FAS: variants seen among roughly 807,000 people sequenced by gnomAD.
FAS encodes the protein tumor necrosis factor receptor superfamily member 6.
A neutral mutation model predicts 33.2 loss-of-function variants in FAS; 5 were observed. The observed-to-expected ratio is 0.15, with a 90% CI of 0.08 to 0.32. The LOEUF (loss-of-function observed/expected upper bound fraction) is 0.32. Ranked by LOEUF, FAS falls within the 10% of genes least tolerant of loss-of-function variation. FAS has a pLI of 1.00. For missense variants in FAS, 339 were observed against 386.0 expected (o/e 0.88, Z 1.02); for synonymous variants, 131 against 130.7 (o/e 1.00, Z -0.01).
chr10:89,011,171 T>C (rs1848510508), intron 6 of FAS, among the ~76,000 whole-genome samples: 2 of 152,198 alleles, frequency 1.3e-5, no homozygotes, highest in African/African-American at 2.4e-5. Context: ...AGGAAACACA[T>C]TGCAGGGAAC....
At chr10:89,007,946 A>T in intron 3 of FAS, 109 bp downstream of exon 3, 1 of 1,528,654 alleles carries the variant, frequency 6.5e-7, no homozygotes, top group Non-Finnish European at 9.0e-7. Context: ...GTTGACACAC[A>T]GGAAAGGGAA....
upstream of FAS, among the ~76,000 whole-genome samples, chr10:88,982,645 T>C (rs960517972): frequency 2.0e-5 from 3 of 152,226 alleles, no homozygotes; most frequent in South Asian, 6.2e-4. Flanking sequence ...CTCAGTGTCT[T>C]TGAAAATGAA....
chr10:88,970,990 G>A (rs958326248), intron 1 of FAS, among the ~76,000 whole-genome samples: 1 of 151,876 alleles, frequency 6.6e-6, no homozygotes, highest in African/African-American at 2.4e-5. Context: ...AGATTCCTCC[G>A]CCCAAAGGCA....
At chr10:88,983,841 G>A (rs993620569), upstream of FAS, among the ~76,000 whole-genome samples, 1 of 152,174 alleles carries the variant, frequency 6.6e-6, no homozygotes, top group Admixed American at 6.6e-5. Context: ...GAAATTCCAA[G>A]GGGATTTCAA....
chr10:89,008,944 A>G lies in FAS; in HGVS notation c.390A>G (p.Lys130=). Reference sequence around the variant, plus strand: ...CCCAGAATACCAAGTGCAGATGTAAACCAAACTTTTTTTGTAACTCTACTG... The same window carrying G: ...CCCAGAATACCAAGTGCAGATGTAAGCCAAACTTTTTTTGTAACTCTACTG... ...TRTQNTKCRC[K]PNFFCNSTVC... Residue 130 remains lysine (K), a synonymous_variant, in exon 4 of 9, where the codon AAA becomes AAG. Coordinates refer to ENST00000652046, the MANE Select transcript of FAS (RefSeq NM_000043.6). 3.7e-6 allele frequency: 6 copies of G among 1,614,014 alleles called. No individual in the cohort carries two copies. Among genetic ancestry groups the G allele is most frequent in the Non-Finnish European group, 5.1e-6 (6 of 1,179,898 alleles).
chr10:89,009,901 TA>T (rs1848437286), intron 4 of FAS, among the ~76,000 whole-genome samples: 1 of 152,228 alleles, frequency 6.6e-6, no homozygotes, highest in South Asian at 2.1e-4. Flanking sequence ...TAGATAATAT[TA>T]TTTCCATGTT....
chr10:88,998,264 T>A (rs765923562), intron 1 of FAS, among the ~76,000 whole-genome samples: 4 of 151,904 alleles, frequency 2.6e-5, no homozygotes, highest in Non-Finnish European at 5.9e-5. Flanking sequence ...TGTTTGTATG[T>A]GTGTCCAAAT....
At chr10:89,003,717 T>A (rs1040663336) in intron 2 of FAS, among the ~76,000 whole-genome samples, 4 of 152,174 alleles carry the variant, frequency 2.6e-5, no homozygotes, top group Non-Finnish European at 5.9e-5. Context: ...CTTTTTTTTT[T>A]AAATCAATAC....
rs1180044903 is a variant in FAS, at chr10:89,016,911, A to C, written c.*2461A>C. ...ATATTGAATCATCAGTTTCTGTACAACTATCTGAATAAGGTATATAATCAA... is the reference window on the plus strand; with the variant it reads ...ATATTGAATCATCAGTTTCTGTACACCTATCTGAATAAGGTATATAATCAA... On this transcript the variant is annotated 3_prime_UTR_variant, in exon 9 of 9. Coordinates refer to ENST00000652046, the MANE Select transcript of FAS (RefSeq NM_000043.6). The C allele has an allele frequency of 2.1e-5, 4 of 193,240 alleles. No homozygotes were observed. Among genetic ancestry groups the C allele is most frequent in the Non-Finnish European group, 4.3e-5 (4 of 92,506 alleles). The allele number at this position is 193,240 out of a possible 1,614,324, so 12.0% of individuals were successfully genotyped here.
chr10:88,989,829 T>G (rs1847059987), upstream of FAS, among the ~76,000 whole-genome samples: 1 of 152,164 alleles, frequency 6.6e-6, no homozygotes, highest in African/African-American at 2.4e-5. Flanking sequence ...TACTGAAACC[T>G]TTAGTGTGTC....
chr10:89,006,101 A>G (rs1361690095), intron 2 of FAS, among the ~76,000 whole-genome samples: 1 of 152,228 alleles, frequency 6.6e-6, no homozygotes, highest in African/African-American at 2.4e-5. Context: ...TGGAGGAACG[A>G]AAGAACCTGT....
chr10:89,001,171 T>C (rs1040965315), intron 1 of FAS, among the ~76,000 whole-genome samples: 1 of 152,156 alleles, frequency 6.6e-6, no homozygotes, highest in African/African-American at 2.4e-5. Context: ...TGTGATGCTG[T>C]GCTCAAAATT....
intron 2 of FAS, chr10:88,973,354 CA>C: frequency 6.7e-7 from 1 of 1,484,714 alleles, no homozygotes. Context: ...TTAGGTAATC[CA>C]AGAATTGCCA....
chr10:88,990,909 G>T lies in FAS; in HGVS notation c.30+3G>T. On this transcript the variant is annotated splice_donor_region_variant and intron_variant, in intron 1 of 8. Coordinates refer to ENST00000652046, the MANE Select transcript of FAS (RefSeq NM_000043.6). The surrounding 1 kb of genome is among the most constrained non-coding windows in gnomAD (Gnocchi z 4.9). ...GCATCTGGACCCTCCTACCTCTGGT[G>T]AGCCCTCTCCTGCCCGGGTGGAGGC... is the stretch of plus-strand genomic sequence containing the variant. 1 of 1,614,196 alleles carries T rather than the reference G, an allele frequency of 6.2e-7. No homozygotes were observed. The highest frequency in any genetic ancestry group is 1.1e-5 in the South Asian group (1 of 91,082).
rs527767951 is a variant in FAS, at chr10:89,014,691, A to C, written c.*241A>C. On this transcript the variant is annotated 3_prime_UTR_variant, in exon 9 of 9. Transcript: ENST00000652046. ...AATGCAGTGGCATGCTAAGTACCCAAATAGGAGTGTATGCAGAGGATGAAA... is the reference window on the plus strand; with the variant it reads ...AATGCAGTGGCATGCTAAGTACCCACATAGGAGTGTATGCAGAGGATGAAA... 7.6e-6 allele frequency: 5 copies of C among 658,410 alleles called. No homozygotes were observed. The Admixed American group carries it at 1.0e-4, about 14-fold the overall frequency. 40.8% of individuals were successfully genotyped at this position (658,410 alleles called of 1,614,324 possible).
At chr10:89,009,910 G>A (rs182518392) in intron 4 of FAS, among the ~76,000 whole-genome samples, 3 of 152,268 alleles carry the variant, frequency 2.0e-5, no homozygotes, top group Admixed American at 2.0e-4. Context: ...TTATTTCCAT[G>A]TTATTGATGA....
intron 1 of FAS, among the ~76,000 whole-genome samples, chr10:88,999,830 C>G (rs1043758180): frequency 6.6e-6 from 1 of 152,158 alleles, no homozygotes; most frequent in Non-Finnish European, 1.5e-5. Flanking sequence ...ACATGGGAAT[C>G]TATCAGGGTG....
chr10:88,964,501 T>C, intron 1 of FAS, among the ~76,000 whole-genome samples: 1 of 152,196 alleles, frequency 6.6e-6, no homozygotes, highest in East Asian at 1.9e-4. Flanking sequence ...GTCTGTTATG[T>C]AGATTTCCCT....
intron 2 of FAS, among the ~76,000 whole-genome samples, chr10:88,979,732 G>T (rs1052613409): frequency 3.9e-5 from 6 of 152,092 alleles, no homozygotes; most frequent in Non-Finnish European, 8.8e-5. Context: ...GATCAGAAAA[G>T]GTTACATGTG....
Sources: allele counts gnomAD v4.1 joint callset (sites outside exome capture counted in the v4.1 genomes callset), GRCh38; gene constraint gnomAD v4.1.1; non-coding constraint Gnocchi (gnomAD v3.1); transcripts MANE v1.5; gene names NCBI Gene and HGNC (gene_info 2026-07-23, HGNC 2026-07-21).